The following BICDL1 variants were observed in gnomAD, a reference collection of about 807,000 sequenced individuals.
BICDL1 encodes BICD family like cargo adaptor 1.
BICDL1 carries 20 observed loss-of-function variants against 76.8 expected under a neutral mutation model. That is an observed-to-expected ratio of 0.26 (90% CI 0.18 to 0.38). BICDL1 has a LOEUF of 0.38. Ranked by LOEUF, BICDL1 falls within the 10% of genes least tolerant of loss-of-function variation. BICDL1 has a pLI of 1.00. For synonymous variants in BICDL1, 383 were observed against 337.1 expected, an observed-to-expected ratio of 1.14 and a Z score of -1.49; for missense variants, 700 against 798.6, an observed-to-expected ratio of 0.88 and a Z score of 1.49.
At chr12:120,002,102 C>T (rs1329096235) in intron 2 of BICDL1, among the ~76,000 whole-genome samples, 1 of 152,062 alleles carries the variant, frequency 6.6e-6, no homozygotes, top group African/African-American at 2.4e-5. Context: ...CCACTATCAC[C>T]ATTATCTAAT....
At chr12:120,069,880 T>C (rs1427235112) in intron 4 of BICDL1, among the ~76,000 whole-genome samples, 5 of 152,238 alleles carry the variant, frequency 3.3e-5, no homozygotes, top group African/African-American at 1.2e-4. Flanking sequence ...TCTACCTCAG[T>C]GAAGTTTGGG....
At chr12:120,089,890 TA>T (rs2139025044) in intron 8 of BICDL1, 60 bp from the exon 9 acceptor site, 4 of 1,586,934 alleles carry the variant, frequency 2.5e-6, no homozygotes, top group Non-Finnish European at 8.6e-7. Flanking sequence ...GTGCCCCAAG[TA>T]AAGACCAAGA....
chr12:120,041,912 G>T (rs1402025347), intron 2 of BICDL1, among the ~76,000 whole-genome samples: 1 of 152,170 alleles, frequency 6.6e-6, no homozygotes, highest in Non-Finnish European at 1.5e-5. Flanking sequence ...AGAAGTCATG[G>T]TAAGGACTTT....
rs1470519310 is a variant in BICDL1 at position 120,091,357 on chromosome 12, A to C, written c.1704+1286A>C. 3 of 1,006,566 alleles carry C rather than the reference A, an allele frequency of 3.0e-6. No homozygotes were observed. The African/African-American group carries it at 5.2e-5, about 17-fold the overall frequency. The allele number at this position is 1,006,566 out of a possible 1,614,324, so 62.4% of individuals were successfully genotyped here. A position where few individuals can be genotyped will look rare whatever the true frequency, so the allele number is the denominator to read the frequency against. On this transcript the variant is annotated intron_variant, in intron 9 of 9. Transcript: ENST00000548673. The stretch of plus-strand genomic sequence containing the variant: ...GACCTGATTGCTTAAAGTTAAAAAA[A>C]TGAAGTTTTCAGTGTGCCAAACAAA...
At chr12:120,011,575 CAG>C (rs1225345785) in intron 2 of BICDL1, among the ~76,000 whole-genome samples, 2 of 152,126 alleles carry the variant, frequency 1.3e-5, no homozygotes, top group Non-Finnish European at 2.9e-5. Context: ...TTGATAATCA[CAG>C]AGTTGGGTAA....
At position 120,081,031 on chromosome 12, in the gene BICDL1, G is replaced by C. The variant is rs565804367; in HGVS notation, c.1583+14G>C. 3 of 1,611,020 alleles carry C rather than the reference G, an allele frequency of 1.9e-6. No homozygotes were observed. The highest frequency in any genetic ancestry group is 2.5e-6 in the Non-Finnish European group (3 of 1,178,678). On this transcript the variant is annotated intron_variant, in intron 8 of 9. Coordinates refer to ENST00000548673, the MANE Select transcript of BICDL1 (RefSeq NM_001367886.1). Reference sequence around the variant, plus strand: ...GGCCATTGCAAAGTGAGTAGGGATGGCTTCACTTTATTCTTAAGATAAAGT... The same window carrying C: ...GGCCATTGCAAAGTGAGTAGGGATGCCTTCACTTTATTCTTAAGATAAAGT...
At chr12:120,064,976 G>T in intron 4 of BICDL1, 97 bp downstream of exon 4, 2 of 1,392,850 alleles carry the variant, frequency 1.4e-6, no homozygotes, top group Non-Finnish European at 1.9e-6. Flanking sequence ...CACTGCTGGG[G>T]TAAGCTGGGA....
At chr12:120,013,436 C>CAG (rs1443199845) in intron 2 of BICDL1, among the ~76,000 whole-genome samples, 8 of 120,120 alleles carry the variant, frequency 6.7e-5, no homozygotes, top group African/African-American at 2.0e-4. Flanking sequence ...TGTCTTTAAC[C>CAG]AGAGTGTGTG....
chr12:120,041,715 G>A (rs952090210), intron 2 of BICDL1, among the ~76,000 whole-genome samples: 4 of 152,156 alleles, frequency 2.6e-5, no homozygotes, highest in East Asian at 3.9e-4. Context: ...AACAGGCCTC[G>A]TGAATGTCTG....
chr12:120,092,662 C>G, intron 9 of BICDL1: 1 of 985,454 alleles, frequency 1.0e-6, no homozygotes, highest in Non-Finnish European at 1.2e-6. Flanking sequence ...GAGGCAGAGC[C>G]GTGAGGCCTG....
chr12:119,998,831 G>C, intron 2 of BICDL1, 95 bp downstream of exon 2: 1 of 1,210,464 alleles, frequency 8.3e-7, no homozygotes, highest in Non-Finnish European at 1.2e-6. Context: ...CATTTCGGGA[G>C]GCCAAGGTGG....
chr12:120,014,058 G>C (rs1211577574), intron 2 of BICDL1, among the ~76,000 whole-genome samples: 1 of 152,210 alleles, frequency 6.6e-6, no homozygotes, highest in Admixed American at 6.5e-5. Flanking sequence ...CAGTAAACCT[G>C]TGGTTTAGGT....
chr12:120,008,330 T>G (rs1380130815), intron 2 of BICDL1, among the ~76,000 whole-genome samples: 4 of 152,038 alleles, frequency 2.6e-5, no homozygotes, highest in African/African-American at 9.7e-5. Context: ...GGCTAATTTT[T>G]TATACTTTTT....
At chr12:120,018,977 G>A (rs1006379598) in intron 2 of BICDL1, 1 of 150,834 alleles carries the variant, frequency 6.6e-6, no homozygotes, top group Admixed American at 6.6e-5. Context: ...CCCGGGAGGC[G>A]GAGCTTGCAG....
Position 120,071,529 on chromosome 12 carries a change from G to C in BICDL1, c.910-93G>C. On this transcript the variant is annotated intron_variant, in intron 4 of 9. Coordinates refer to ENST00000548673, the MANE Select transcript of BICDL1 (RefSeq NM_001367886.1). The surrounding 1 kb of genome is among the most constrained non-coding windows in gnomAD (Gnocchi z 4.8). ...CTCCTATTTATTTTTCTATAAATTG[G>C]TGGTTGGATCCAGAAGCATGATCAG... 1 of 1,436,812 alleles carries C rather than the reference G, an allele frequency of 7.0e-7. No individual in the cohort carries two copies. The highest frequency in any genetic ancestry group is 2.5e-5 in the East Asian group (1 of 40,172). 89.0% of individuals were successfully genotyped at this position (1,436,812 alleles called of 1,614,324 possible).
Position 119,990,217 on chromosome 12 carries a change from G to T in BICDL1, c.349G>T (p.Gly117Cys). ...EKDLVLAARL[G>C]KALLERNQDM... ...GGATCTGGTGTTGGCGGCCCGGCTG[G>T]GTAAGGCGCTGCTCGAGAGGAACCA... Residue 117 changes from glycine (G) to cysteine (C), a missense_variant, in exon 1 of 10, where the codon GGT (glycine) becomes TGT (cysteine). Coordinates refer to ENST00000548673, the MANE Select transcript of BICDL1 (RefSeq NM_001367886.1). The T allele has an allele frequency of 6.4e-7, 1 of 1,571,698 alleles. No homozygotes were observed. Among genetic ancestry groups the T allele is most frequent in the South Asian group, 1.2e-5 (1 of 85,472 alleles).
At chr12:120,000,411 G>A (rs1951736195) in intron 2 of BICDL1, 1 of 152,166 alleles carries the variant, frequency 6.6e-6, no homozygotes, top group Non-Finnish European at 1.5e-5. Context: ...ACTGGGAATG[G>A]AATCTCTATC....
intron 2 of BICDL1, among the ~76,000 whole-genome samples, chr12:120,007,553 TTGTC>T (rs1186711475): frequency 1.3e-5 from 2 of 152,210 alleles, no homozygotes; most frequent in African/African-American, 2.4e-5. Context: ...AACAGATGCT[TTGTC>T]TGTTTCCTGC....
At chr12:120,067,243 C>T (rs1260132296) in intron 4 of BICDL1, among the ~76,000 whole-genome samples, 2 of 152,238 alleles carry the variant, frequency 1.3e-5, no homozygotes, top group East Asian at 3.8e-4. Context: ...TCTGCAGGGC[C>T]TAGTCCCAGC....
Sources: allele counts gnomAD v4.1 joint callset (sites outside exome capture counted in the v4.1 genomes callset), GRCh38; gene constraint gnomAD v4.1.1; non-coding constraint Gnocchi (gnomAD v3.1); transcripts MANE v1.5; gene names NCBI Gene and HGNC (gene_info 2026-07-23, HGNC 2026-07-21).